The following HDAC4 variants were observed in gnomAD, a reference collection of about 807,000 sequenced individuals.
HDAC4 encodes histone deacetylase 4, also known as histone deacetylase A.
HDAC4 carries 16 observed loss-of-function variants against 135.1 expected under a neutral mutation model. The ratio of observed to expected loss-of-function variants is 0.12; its 90% CI spans 0.08 to 0.18. HDAC4 has a LOEUF of 0.18. Ranked by LOEUF, HDAC4 falls within the 10% of genes least tolerant of loss-of-function variation. The probability of loss-of-function intolerance (pLI) is 1.00; values close to 1 mark genes in which losing one functional copy is unlikely to be tolerated. For missense variants in HDAC4, 1,143 were observed against 1,511.8 expected (o/e 0.76, Z 4.05); for synonymous variants, 685 against 653.4 (o/e 1.05, Z -0.74).
Position 239,096,709 on chromosome 2 carries a change from C to A in HDAC4, c.2234-1653G>T, listed in dbSNP as rs2037127718. 6.4e-5 allele frequency among the ~76,000 whole-genome samples: 7 copies of A among 108,896 alleles called. 1 individual carries two copies. The South Asian group carries it at 2.3e-3, about 36-fold the overall frequency. 71.4% of individuals were successfully genotyped at this position (108,896 alleles called of 152,430 possible). A position where few individuals can be genotyped will look rare whatever the true frequency, so the allele number is the denominator to read the frequency against. ...ACCCCCCACAGACACCCACCCCACC[C>A]CACGGACACCAGCACCCCCCACGGA... On this transcript the variant is annotated intron_variant, in intron 16 of 26. Coordinates refer to ENST00000543185, the MANE Select transcript of HDAC4 (RefSeq NM_001378414.1).
intron 5 of HDAC4, among the ~76,000 whole-genome samples, chr2:239,166,381 T>C (rs999435810): frequency 4.3e-4 from 65 of 152,148 alleles, no homozygotes; most frequent in African/African-American, 1.6e-3. Flanking sequence ...GAGAAAATCA[T>C]GTCATTGCCC....
Position 239,167,186 on chromosome 2 carries a change from C to A in HDAC4, c.491-3263G>T, listed in dbSNP as rs1215212581. 6.6e-6 allele frequency among the ~76,000 whole-genome samples: 1 copy of A among 152,172 alleles called. No homozygotes were observed. Among genetic ancestry groups the A allele is most frequent in the Non-Finnish European group, 1.5e-5 (1 of 68,026 alleles). ...GTAGACCCAAACTCAGTGCAGTCAG[C>A]CTTACCTGCTCAAAACACCAGTTCC... On this transcript the variant is annotated intron_variant, in intron 5 of 26. Coordinates refer to ENST00000543185, the MANE Select transcript of HDAC4 (RefSeq NM_001378414.1). The surrounding 1 kb of genome is among the most constrained non-coding windows in gnomAD (Gnocchi z 4.1).
intron 6 of HDAC4, among the ~76,000 whole-genome samples, chr2:239,162,598 C>T (rs2042878933): frequency 1.3e-5 from 2 of 152,210 alleles, no homozygotes; most frequent in African/African-American, 2.4e-5. Flanking sequence ...CTCTCAGGTC[C>T]CAGTGGGTCA....
At chr2:239,106,960 G>GAC (rs1166870041) in intron 15 of HDAC4, among the ~76,000 whole-genome samples, 1 of 152,158 alleles carries the variant, frequency 6.6e-6, no homozygotes, top group East Asian at 1.9e-4. Context: ...GTGGGGAGTG[G>GAC]ACATAGCAGG....
Position 239,115,029 on chromosome 2 carries a change from G to A in HDAC4, c.1791+24C>T. 1.2e-6 allele frequency: 2 copies of A among 1,606,498 alleles called. No homozygotes were observed. Among genetic ancestry groups the A allele is most frequent in the African/African-American group, 1.3e-5 (1 of 75,012 alleles). On this transcript the variant is annotated intron_variant, in intron 13 of 26. Coordinates refer to ENST00000543185, the MANE Select transcript of HDAC4 (RefSeq NM_001378414.1). This position sits in a 1 kb window ranked among gnomAD's most constrained non-coding sequence, Gnocchi z 6.3. ...GGGTGGCTGTGCGTGCCAGCCTTCT[G>A]GTGCCCTCCCCGCCTGCGGTCACCT...
At chr2:239,233,441 C>A (rs2047712482) in intron 3 of HDAC4, among the ~76,000 whole-genome samples, 1 of 147,106 alleles carries the variant, frequency 6.8e-6, no homozygotes, top group Non-Finnish European at 1.5e-5. Context: ...AAGAATAATG[C>A]AAATATTCCA....
intron 1 of HDAC4, among the ~76,000 whole-genome samples, chr2:239,365,746 G>C (rs1380290978): frequency 6.6e-6 from 1 of 150,404 alleles, no homozygotes; most frequent in Non-Finnish European, 1.5e-5. Flanking sequence ...TCAGGGTCAC[G>C]CACGTGGCAC....
chr2:239,291,848 G>A (rs1399800898), intron 2 of HDAC4, among the ~76,000 whole-genome samples: 3 of 152,164 alleles, frequency 2.0e-5, no homozygotes, highest in Non-Finnish European at 2.9e-5. Context: ...CCAGCTAGCT[G>A]GGCCTTCTCC....
intron 3 of HDAC4, among the ~76,000 whole-genome samples, chr2:239,222,736 C>T (rs1437843060): frequency 6.6e-6 from 1 of 152,166 alleles, no homozygotes; most frequent in East Asian, 1.9e-4. Context: ...TGAATAGAAA[C>T]AATAACAAAA....
At chr2:239,283,705 C>G (rs1200079804) in intron 2 of HDAC4, among the ~76,000 whole-genome samples, 1 of 152,192 alleles carries the variant, frequency 6.6e-6, no homozygotes, top group African/African-American at 2.4e-5. Context: ...CAACCCACTT[C>G]CGCGAGCGGT....
At chr2:239,343,276 G>A (rs1692409277) in intron 2 of HDAC4, among the ~76,000 whole-genome samples, 1 of 152,194 alleles carries the variant, frequency 6.6e-6, no homozygotes, top group African/African-American at 2.4e-5. Context: ...CAAAGAGAAG[G>A]ATGCTAAGTG....
chr2:239,153,493 CAT>C (rs141244305), intron 7 of HDAC4, among the ~76,000 whole-genome samples: 8,896 of 152,176 alleles, frequency 0.058, 826 homozygotes, highest in African/African-American at 0.2. Flanking sequence ...TGAGCGATGT[CAT>C]GTGTTTGAAA....
chr2:239,274,579 C>T (rs1048898411), intron 2 of HDAC4, among the ~76,000 whole-genome samples: 17 of 152,212 alleles, frequency 1.1e-4, no homozygotes, highest in African/African-American at 3.6e-4. Context: ...GTAACCTTCA[C>T]GGTAAAAACG....
At chr2:239,342,186 T>C (rs1303361327) in intron 2 of HDAC4, among the ~76,000 whole-genome samples, 1 of 151,660 alleles carries the variant, frequency 6.6e-6, no homozygotes, top group East Asian at 1.9e-4. Flanking sequence ...ATGGAAGCAA[T>C]CTTCTAAGAA....
chr2:239,088,192 C>T (rs149469367), intron 18 of HDAC4, among the ~76,000 whole-genome samples: 176 of 152,320 alleles, frequency 1.2e-3, no homozygotes, highest in African/African-American at 3.2e-3. Context: ...ATCACTTCTG[C>T]GTCAAAAATC....
chr2:239,298,307 G>A (rs2052035638), intron 2 of HDAC4: 3 of 1,248,446 alleles, frequency 2.4e-6, no homozygotes, highest in South Asian at 1.3e-5. Flanking sequence ...AGAAGCTGGG[G>A]GAGCCCCTGG....
chr2:239,285,811 G>A lies in HDAC4; in HGVS notation c.23-49147C>T, dbSNP rs1476850777. Among the ~76,000 whole-genome samples the A allele has an allele frequency of 6.6e-6, 1 of 152,138 alleles. No homozygotes were observed. The highest frequency in any genetic ancestry group is 2.1e-4 in the South Asian group (1 of 4,820). On this transcript the variant is annotated intron_variant, in intron 2 of 26. Coordinates refer to ENST00000543185, the MANE Select transcript of HDAC4 (RefSeq NM_001378414.1). The surrounding 1 kb of genome is among the most constrained non-coding windows in gnomAD (Gnocchi z 4.5). ...GCAGCGGGTGGAGGACTGCATGGGGGTCAGGACCGAGGTGAGCCCAGAGCT... is the reference window on the plus strand; with the variant it reads ...GCAGCGGGTGGAGGACTGCATGGGGATCAGGACCGAGGTGAGCCCAGAGCT...
At chr2:239,332,292 TTCTTC>T (rs1476361156) in intron 2 of HDAC4, among the ~76,000 whole-genome samples, 1 of 152,206 alleles carries the variant, frequency 6.6e-6, no homozygotes, top group Non-Finnish European at 1.5e-5. Context: ...CACGGCTGAC[TTCTTC>T]TCTTCAAGTA....
At chr2:239,172,544 T>C (rs547847502) in intron 5 of HDAC4, among the ~76,000 whole-genome samples, 33 of 152,168 alleles carry the variant, frequency 2.2e-4, no homozygotes, top group South Asian at 6.2e-4. Flanking sequence ...TATAAGCATA[T>C]GTTAGAAGAC....
Sources: gnomAD v4.1 joint callset for allele counts (sites outside exome capture counted in the v4.1 genomes callset) on GRCh38, gnomAD v4.1.1 for gene constraint, Gnocchi (gnomAD v3.1) non-coding constraint, MANE v1.5 for transcripts, NCBI Gene and HGNC (gene_info 2026-07-23, HGNC 2026-07-21) for gene names.